Variants in PLD1 observed in about 807,000 individuals in gnomAD.
PLD1 encodes the protein choline phosphatase 1.
A neutral mutation model predicts 137.1 loss-of-function variants in PLD1; 112 were observed. The ratio of observed to expected loss-of-function variants is 0.82; its 90% confidence interval spans 0.70 to 0.96. The LOEUF is 0.96. Among genes scored for constraint, PLD1 ranks in the 40% least tolerant of loss-of-function variants. The pLI is 0.00. For synonymous variants in PLD1, 431 were observed against 454.7 expected, an observed-to-expected ratio of 0.95 and a Z score of 0.66; for missense variants, 1,321 against 1,342.0, an observed-to-expected ratio of 0.98 and a Z score of 0.24.
chr3:171,684,001 ATCTC>A (rs1714283645), intron 16 of PLD1, among the ~76,000 whole-genome samples: 1 of 151,780 alleles, frequency 6.6e-6, no homozygotes, highest in African/African-American at 2.4e-5. Flanking sequence ...CTCTCTCTCT[ATCTC>A]TCTCTCTGTC....
At chr3:171,658,142 G>A (rs1737366834) in intron 21 of PLD1, among the ~76,000 whole-genome samples, 1 of 151,924 alleles carries the variant, frequency 6.6e-6, no homozygotes, top group African/African-American at 2.4e-5. Flanking sequence ...ACACCTACTA[G>A]AATGACTATA....
chr3:171,663,747 AG>A (rs1434134700), intron 19 of PLD1, among the ~76,000 whole-genome samples: 1 of 152,236 alleles, frequency 6.6e-6, no homozygotes, highest in African/African-American at 2.4e-5. Flanking sequence ...GACACACAGA[AG>A]AATTAGTATA....
chr3:171,800,991 A>G (rs1723622231), intron 1 of PLD1, among the ~76,000 whole-genome samples: 1 of 152,206 alleles, frequency 6.6e-6, no homozygotes, highest in African/African-American at 2.4e-5. Context: ...AGGAAGACAA[A>G]TATTCATACC....
chr3:171,743,682 C>A (rs1719937823), intron 1 of PLD1, among the ~76,000 whole-genome samples: 1 of 152,206 alleles, frequency 6.6e-6, no homozygotes, highest in Non-Finnish European at 1.5e-5. Context: ...CACGGGCTCA[C>A]ACACAGCATT....
intron 1 of PLD1, among the ~76,000 whole-genome samples, chr3:171,770,039 G>T (rs1270376678): frequency 6.6e-6 from 1 of 152,110 alleles, no homozygotes; most frequent in Non-Finnish European, 1.5e-5. Flanking sequence ...AGATTGCTTT[G>T]GTGGCAAATT....
At chr3:171,809,144 T>A (rs542115059) in intron 1 of PLD1, 4 of 152,250 alleles carry the variant, frequency 2.6e-5, no homozygotes, top group African/African-American at 9.7e-5. Flanking sequence ...ACTTTTTATA[T>A]GGATTGTTAA....
chr3:171,710,274 G>A (rs1416394479), intron 9 of PLD1, among the ~76,000 whole-genome samples: 1 of 152,058 alleles, frequency 6.6e-6, no homozygotes, highest in Non-Finnish European at 1.5e-5. Flanking sequence ...TGTTAGCCAG[G>A]ATGGTCTCGA....
intron 1 of PLD1, among the ~76,000 whole-genome samples, chr3:171,744,456 T>C (rs1273279379): frequency 1.3e-5 from 2 of 152,182 alleles, no homozygotes; most frequent in African/African-American, 4.8e-5. Flanking sequence ...GCCCTTCCAC[T>C]GAGCTCCACA....
chr3:171,606,459 G>T (rs1260887160), intron 25 of PLD1, among the ~76,000 whole-genome samples: 4 of 152,162 alleles, frequency 2.6e-5, no homozygotes, highest in Non-Finnish European at 4.4e-5. Flanking sequence ...TAGGCTGAAT[G>T]TTTTTTTCTG....
rs149112579 is a variant in PLD1 at position 171,746,223 on chromosome 3, C to A, written c.-31-8141G>T. On this transcript the variant is annotated intron_variant, in intron 1 of 26. Coordinates refer to ENST00000351298, the MANE Select transcript of PLD1 (RefSeq NM_002662.5). ...ACGGGCACCACCCCCTGCTCCACAG[C>A]ACCTGGTACCATTGACTGCCCAAGA... is the stretch of plus-strand genomic sequence containing the variant. Among the ~76,000 whole-genome samples, 4 of 152,340 alleles carry A rather than the reference C, an allele frequency of 2.6e-5. No homozygotes were observed. In the East Asian group the frequency reaches 7.7e-4, roughly 29 times the overall value.
chr3:171,620,251 T>C, intron 24 of PLD1, 135 bp downstream of exon 24: 1 of 572,050 alleles, frequency 1.7e-6, no homozygotes, highest in South Asian at 3.0e-5. Context: ...GAGGATGGCT[T>C]CAGAAATGTT....
intron 1 of PLD1, among the ~76,000 whole-genome samples, chr3:171,770,329 T>C (rs1461363038): frequency 6.6e-6 from 1 of 152,162 alleles, no homozygotes; most frequent in African/African-American, 2.4e-5. Flanking sequence ...TATGCCAGTA[T>C]TTTGAGGCAT....
chr3:171,729,553 G>A (rs553833438), intron 6 of PLD1, among the ~76,000 whole-genome samples: 1 of 152,210 alleles, frequency 6.6e-6, no homozygotes, highest in South Asian at 2.1e-4. Flanking sequence ...TAAATGGCCA[G>A]GTGGGAAATT....
At chr3:171,713,428 A>T (rs543274136) in intron 9 of PLD1, among the ~76,000 whole-genome samples, 91 of 152,350 alleles carry the variant, frequency 6.0e-4, no homozygotes, top group African/African-American at 2.1e-3. Context: ...GTGAGCAGAG[A>T]TTGCACCACT....
intron 13 of PLD1, among the ~76,000 whole-genome samples, chr3:171,689,513 T>TCC (rs1714935822): frequency 2.0e-5 from 3 of 151,942 alleles, no homozygotes; most frequent in Non-Finnish European, 4.4e-5. Flanking sequence ...CTTCCTTCCT[T>TCC]TCTTTCTTTC....
intron 23 of PLD1, among the ~76,000 whole-genome samples, chr3:171,622,838 TATA>T (rs920224699): frequency 1.3e-5 from 2 of 151,290 alleles, no homozygotes; most frequent in Middle Eastern, 3.4e-3. Flanking sequence ...AAATATTAAA[TATA>T]ATAACAGGAT....
intron 16 of PLD1, among the ~76,000 whole-genome samples, chr3:171,683,234 C>T (rs1413461267): frequency 1.3e-5 from 2 of 152,152 alleles, no homozygotes; most frequent in South Asian, 2.1e-4. Context: ...AAAATATATT[C>T]ACAACCTGCA....
chr3:171,631,769 A>T (rs142564311), intron 23 of PLD1, among the ~76,000 whole-genome samples: 158 of 152,296 alleles, frequency 1.0e-3, no homozygotes, highest in African/African-American at 3.6e-3. Context: ...GTAAGTCCAT[A>T]CTAATATAAA....
At chr3:171,622,612 A>T (rs1163598281) in intron 23 of PLD1, among the ~76,000 whole-genome samples, 2 of 151,640 alleles carry the variant, frequency 1.3e-5, no homozygotes, top group Non-Finnish European at 2.9e-5. Flanking sequence ...AATGATGAAT[A>T]CTTTCTTAAC....
Sources: allele counts gnomAD v4.1 joint callset (sites outside exome capture counted in the v4.1 genomes callset), GRCh38; gene constraint gnomAD v4.1.1; transcripts MANE v1.5; gene names NCBI Gene and HGNC (gene_info 2026-07-23, HGNC 2026-07-21).